GALNT17: variants seen among roughly 807,000 people sequenced by gnomAD.
GALNT17 encodes polypeptide N-acetylgalactosaminyltransferase 17, also known as UDP-GalNAc:polypeptide N-acetylgalactosaminyltransferase-like 3.
Under a neutral mutation model 63.7 loss-of-function variants are expected in GALNT17, and 29 were observed. The observed-to-expected ratio is 0.46, with a 90% CI of 0.34 to 0.62. GALNT17 has a LOEUF of 0.62. GALNT17 is among the 20% of genes least tolerant of loss of function. The pLI is 0.01. For missense variants in GALNT17, 603 were observed against 799.6 expected (o/e 0.75, Z 2.97); for synonymous variants, 305 against 318.3 (o/e 0.96, Z 0.45).
At chr7:71,411,986 C>T (rs1030071006) in intron 3 of GALNT17, among the ~76,000 whole-genome samples, 1 of 152,192 alleles carries the variant, frequency 6.6e-6, no homozygotes, top group Admixed American at 6.5e-5. Context: ...GGAGCATTAT[C>T]CTGTAAAGTG....
At chr7:71,617,536 G>T (rs1790230777) in intron 6 of GALNT17, among the ~76,000 whole-genome samples, 1 of 151,998 alleles carries the variant, frequency 6.6e-6, no homozygotes. Flanking sequence ...TGGCCAGGAT[G>T]GTCTCGATCT....
At chr7:71,521,230 C>A (rs978066304) in intron 5 of GALNT17, among the ~76,000 whole-genome samples, 1 of 145,450 alleles carries the variant, frequency 6.9e-6, no homozygotes, top group Admixed American at 6.9e-5. Context: ...GATCCCAAAT[C>A]TTTTTTTTTT....
intron 5 of GALNT17, among the ~76,000 whole-genome samples, chr7:71,451,372 T>C (rs2116550845): frequency 6.6e-6 from 1 of 152,360 alleles, no homozygotes; most frequent in Non-Finnish European, 1.5e-5. Context: ...GAAAGTTTTC[T>C]TGACCATTCT....
intron 5 of GALNT17, among the ~76,000 whole-genome samples, chr7:71,490,533 G>A (rs1787989711): frequency 6.6e-6 from 1 of 151,524 alleles, no homozygotes; most frequent in Non-Finnish European, 1.5e-5. Context: ...TCTGGGCAAG[G>A]GCACTTTGGG....
intron 6 of GALNT17, among the ~76,000 whole-genome samples, chr7:71,590,366 T>G (rs1360603519): frequency 6.6e-6 from 1 of 152,192 alleles, no homozygotes; most frequent in Non-Finnish European, 1.5e-5. Flanking sequence ...CTATTGTAAA[T>G]TATTGTAGGC....
intron 1 of GALNT17, among the ~76,000 whole-genome samples, chr7:71,333,845 T>A (rs1583868814): frequency 6.6e-6 from 1 of 152,320 alleles, no homozygotes; most frequent in Non-Finnish European, 1.5e-5. Context: ...GCGGGACAAC[T>A]GTACATTCCC....
At position 71,661,237 on chromosome 7, in the gene GALNT17, C is replaced by G. The variant is rs571663614; in HGVS notation, c.1081-4174C>G. Among the ~76,000 whole-genome samples, 19 of 152,218 alleles carry G rather than the reference C, an allele frequency of 1.2e-4. No homozygotes were observed. In the East Asian group the frequency reaches 3.5e-3, roughly 28 times the overall value. On this transcript the variant is annotated intron_variant, in intron 6 of 10. Coordinates refer to ENST00000333538, the MANE Select transcript of GALNT17 (RefSeq NM_022479.3). ...AGGAAGGGCCAGTGTCTGCTGCTGT[C>G]GCATGTGGTCGGGGGTGTGGTTCTG... is the stretch of plus-strand genomic sequence containing the variant.
At chr7:71,478,946 G>C (rs932103403) in intron 5 of GALNT17, among the ~76,000 whole-genome samples, 2 of 152,154 alleles carry the variant, frequency 1.3e-5, no homozygotes, top group Admixed American at 1.3e-4. Context: ...GCTCAATTTG[G>C]TTCTGGAGAC....
At chr7:71,370,162 A>G (rs954325219) in intron 2 of GALNT17, among the ~76,000 whole-genome samples, 13 of 152,210 alleles carry the variant, frequency 8.5e-5, no homozygotes, top group South Asian at 2.1e-4. Flanking sequence ...GCAGTTCTAT[A>G]ACCTTAAGAA....
At chr7:71,303,668 G>T (rs3923570) in intron 1 of GALNT17, among the ~76,000 whole-genome samples, 100,907 of 151,950 alleles carry the variant, frequency 0.66, 33,728 homozygotes, top group Middle Eastern at 0.71. Flanking sequence ...AGTGATTTAC[G>T]CATTCTCTGG....
rs564775303 is a variant in GALNT17 at position 71,399,481 on chromosome 7, T to A, written c.589+11080T>A. 1.1e-4 allele frequency among the ~76,000 whole-genome samples: 16 copies of A among 152,332 alleles called. 1 individual carries two copies. The South Asian group carries it at 3.3e-3, about 32-fold the overall frequency. On this transcript the variant is annotated intron_variant, in intron 3 of 10. Coordinates refer to ENST00000333538, the MANE Select transcript of GALNT17 (RefSeq NM_022479.3). ...TCTGTCACTTGGTTAACCCTCTGAT[T>A]CTGCGTTCTAGCTTCCTCAATTTCA...
chr7:71,399,257 G>T (rs1563064556), intron 3 of GALNT17, among the ~76,000 whole-genome samples: 1 of 152,098 alleles, frequency 6.6e-6, no homozygotes, highest in Non-Finnish European at 1.5e-5. Flanking sequence ...CAAAAAAAAT[G>T]TGGGAGTAGG....
chr7:71,544,456 C>A (rs961996942), intron 5 of GALNT17, among the ~76,000 whole-genome samples: 1 of 152,142 alleles, frequency 6.6e-6, no homozygotes, highest in African/African-American at 2.4e-5. Context: ...CATGATTTCA[C>A]GCCTACCCTA....
At chr7:71,488,285 G>T (rs1787946773) in intron 5 of GALNT17, among the ~76,000 whole-genome samples, 1 of 152,056 alleles carries the variant, frequency 6.6e-6, no homozygotes, top group African/African-American at 2.4e-5. Flanking sequence ...GGGATGTCTG[G>T]GCAGGCAAGC....
At chr7:71,342,031 G>C (rs1457063319) in intron 2 of GALNT17, among the ~76,000 whole-genome samples, 2 of 152,178 alleles carry the variant, frequency 1.3e-5, no homozygotes, top group African/African-American at 4.8e-5. Context: ...ACTACATTAA[G>C]ATTTTTTCTT....
intron 1 of GALNT17, among the ~76,000 whole-genome samples, chr7:71,232,322 G>T (rs534379374): frequency 3.3e-5 from 5 of 152,264 alleles, no homozygotes; most frequent in African/African-American, 1.2e-4. Flanking sequence ...AGGGGTGAAA[G>T]ATTGAACACC....
At chr7:71,651,932 CT>C (rs924225354) in intron 6 of GALNT17, among the ~76,000 whole-genome samples, 2 of 151,966 alleles carry the variant, frequency 1.3e-5, no homozygotes, top group African/African-American at 4.8e-5. Context: ...AACTCCTGGC[CT>C]CAAGCAATCC....
chr7:71,649,658 G>A (rs1790728590), intron 6 of GALNT17, among the ~76,000 whole-genome samples: 1 of 151,456 alleles, frequency 6.6e-6, no homozygotes, highest in African/African-American at 2.4e-5. Context: ...CACACCTTAA[G>A]CAATTATTGG....
intron 1 of GALNT17, among the ~76,000 whole-genome samples, chr7:71,262,827 C>T (rs1050521947): frequency 1.3e-5 from 2 of 151,566 alleles, no homozygotes; most frequent in Admixed American, 6.6e-5. Context: ...ACCACAGGCA[C>T]GAGCCACCAA....
Sources: gnomAD v4.1 joint callset for allele counts (sites outside exome capture counted in the v4.1 genomes callset) on GRCh38, gnomAD v4.1.1 for gene constraint, MANE v1.5 for transcripts, NCBI Gene and HGNC (gene_info 2026-07-23, HGNC 2026-07-21) for gene names.